SIX4: variants seen among roughly 807,000 people sequenced by gnomAD.
SIX4 encodes the protein homeobox protein SIX4.
In SIX4, 23 loss-of-function variants were observed where a neutral mutation model predicts 51.5. The ratio of observed to expected loss-of-function variants is 0.45; its 90% CI spans 0.32 to 0.63. SIX4 has a LOEUF of 0.63. Ranked by LOEUF, SIX4 falls within the 30% of genes least tolerant of loss-of-function variation. The pLI, the probability that SIX4 is intolerant of heterozygous loss-of-function variation, is 0.04. For synonymous variants in SIX4, 413 were observed against 417.3 expected (o/e 0.99, Z 0.13); for missense variants, 867 against 984.0 (o/e 0.88, Z 1.59).
chr14:60,719,635 C>T lies in SIX4; in HGVS notation c.1549+125G>A. 1 of 944,004 alleles carries T rather than the reference C, an allele frequency of 1.1e-6. No individual in the cohort carries two copies. The highest frequency in any genetic ancestry group is 1.6e-6 in the Non-Finnish European group (1 of 642,794). 58.5% of individuals were successfully genotyped at this position (944,004 alleles called of 1,614,324 possible). A position where few individuals can be genotyped will look rare whatever the true frequency, so the allele number is the denominator to read the frequency against. On this transcript the variant is annotated intron_variant, in intron 2 of 2. Coordinates refer to ENST00000216513, the MANE Select transcript of SIX4 (RefSeq NM_017420.5). This position sits in a 1 kb window ranked among gnomAD's most constrained non-coding sequence, Gnocchi z 4.9. Reference sequence around the variant, plus strand: ...GGAGAATCACATCAAGGCTACTCTACAGCTTCGGCAGCTAATAAGGTACCT... The same window carrying T: ...GGAGAATCACATCAAGGCTACTCTATAGCTTCGGCAGCTAATAAGGTACCT...
rs367915180 is a variant in SIX4, at chr14:60,719,795, A to G, written c.1514T>C (p.Leu505Pro). 226 of 1,614,110 alleles carry G rather than the reference A, an allele frequency of 1.4e-4. No homozygotes were observed. Among genetic ancestry groups the G allele is most frequent in the Middle Eastern group, 3.3e-4 (2 of 6,084 alleles). ...FLNGSIGFSP[L>P]QLPPVSVAAS... is the part of the protein sequence containing the mutation. Reference sequence around the variant, plus strand: ...TGCCACTGACACAGGGGGCAGCTGCAGTGGAGAGAATCCAATGCTCCCATT... The same window carrying G: ...TGCCACTGACACAGGGGGCAGCTGCGGTGGAGAGAATCCAATGCTCCCATT... The change falls in exon 2 of 3, where the codon CTG becomes CCG. Residue 505 changes from leucine (L) to proline (P), a missense_variant. Transcript: ENST00000216513. This position sits in a 1 kb window ranked among gnomAD's most constrained non-coding sequence, Gnocchi z 4.9.
In SIX4 at chr14:60,719,208, C is replaced by T. The variant is rs553545010; in HGVS notation, c.1549+552G>A. ...TTAGGGGGTTAGTATATATGCTGAGCGATAGAAATCCAATGGCATATTCCT... is the reference window on the plus strand; with the variant it reads ...TTAGGGGGTTAGTATATATGCTGAGTGATAGAAATCCAATGGCATATTCCT... On this transcript the variant is annotated intron_variant, in intron 2 of 2. Coordinates refer to ENST00000216513, the MANE Select transcript of SIX4 (RefSeq NM_017420.5). This position sits in a 1 kb window ranked among gnomAD's most constrained non-coding sequence, Gnocchi z 4.9. 9.2e-5 allele frequency among the ~76,000 whole-genome samples: 14 copies of T among 152,236 alleles called. No homozygotes were observed. Among genetic ancestry groups the T allele is most frequent in the Non-Finnish European group, 1.3e-4 (9 of 68,010 alleles).
chr14:60,723,551 T>C lies in SIX4; in HGVS notation c.524A>G (p.Glu175Gly), dbSNP rs1292581615. 2 of 1,609,572 alleles carry C rather than the reference T, an allele frequency of 1.2e-6. No individual in the cohort carries two copies. Among genetic ancestry groups the C allele is most frequent in the Non-Finnish European group, 1.7e-6 (2 of 1,179,536 alleles). ...LYSILESHSF[E>G]SANHPLLQQL... The stretch of plus-strand genomic sequence containing the variant: ...CTGCAGCAGCGGGTGGTTGGCCGAC[T>C]CGAAGCTGTGGCTCTCGAGGATGCT... Residue 175 changes from glutamate (E) to glycine (G), a missense_variant, in exon 1 of 3, where the codon GAG (glutamate) becomes GGG (glycine). Transcript: ENST00000216513.
chr14:60,723,999 A>T lies in SIX4; in HGVS notation c.76T>A (p.Ser26Thr), dbSNP rs1896091134. ...TCTCGGTGCGCCTCCTGCCCTTCCG[A>T]GGCGCTTTCCATCCCATTCTCTTGC... ...IKQENGMESASEGQEAHREVA... is the reference protein window; with the variant it reads ...IKQENGMESATEGQEAHREVA... Residue 26 changes from serine to threonine, a missense_variant, in exon 1 of 3, where the codon TCG becomes ACG. Physicochemically the swap from Ser to Thr is moderately conservative, Grantham distance 58. Transcript: ENST00000216513. 1 of 1,517,338 alleles carries T rather than the reference A, an allele frequency of 6.6e-7. No individual in the cohort carries two copies. Among genetic ancestry groups the T allele is most frequent in the South Asian group, 1.3e-5 (1 of 75,122 alleles). 94.0% of individuals were successfully genotyped at this position (1,517,338 alleles called of 1,614,324 possible). A position where few individuals can be genotyped will look rare whatever the true frequency, so the allele number is the denominator to read the frequency against.
chr14:60,722,996 G>T lies in SIX4; in HGVS notation c.863+216C>A. On this transcript the variant is annotated intron_variant, in intron 1 of 2. Coordinates refer to ENST00000216513, the MANE Select transcript of SIX4 (RefSeq NM_017420.5). The surrounding 1 kb of genome is among the most constrained non-coding windows in gnomAD (Gnocchi z 5.9). ...GGGCGACCAGAAACTTCTGGGGGGA[G>T]AGGGGGAGGGTAAGGAGGGAGGTTC... The T allele has an allele frequency of 1.0e-6, 1 of 974,820 alleles. No individual in the cohort carries two copies. The highest frequency in any genetic ancestry group is 1.4e-6 in the Non-Finnish European group (1 of 700,120). 60.4% of individuals were successfully genotyped at this position (974,820 alleles called of 1,614,324 possible). A position where few individuals can be genotyped will look rare whatever the true frequency, so the allele number is the denominator to read the frequency against.
rs1895837351 is a variant in SIX4 at position 60,712,262 on chromosome 14, G to A, written c.*1145C>T. 2.0e-5 allele frequency: 3 copies of A among 152,662 alleles called. No individual in the cohort carries two copies. Among genetic ancestry groups the A allele is most frequent in the Admixed American group, 2.0e-4 (3 of 15,286 alleles). 9.5% of individuals were successfully genotyped at this position (152,662 alleles called of 1,614,324 possible). ...AATAATTAGTTGTTTATCCATTTGT[G>A]TGATAAATGTCATATATATTATTTA... On this transcript the variant is annotated 3_prime_UTR_variant, in exon 3 of 3. Transcript: ENST00000216513.
intron 2 of SIX4, among the ~76,000 whole-genome samples, chr14:60,715,459 T>G (rs1895906119): frequency 6.6e-6 from 1 of 152,226 alleles, no homozygotes; most frequent in South Asian, 2.1e-4. Flanking sequence ...TTTTTGCCTT[T>G]TGTTGTGCCA....
In SIX4 at chr14:60,710,467, C is replaced by T. The variant is rs1178648806; in HGVS notation, c.*2940G>A. On this transcript the variant is annotated 3_prime_UTR_variant, in exon 3 of 3. Coordinates refer to ENST00000216513, the MANE Select transcript of SIX4 (RefSeq NM_017420.5). ...TTAACTAAGAGCTAAATGCCAAATT[C>T]TGGCTGATAGAGTGCATAGATAGGC... 1 of 152,568 alleles carries T rather than the reference C, an allele frequency of 6.6e-6. No homozygotes were observed. The highest frequency in any genetic ancestry group is 1.5e-5 in the Non-Finnish European group (1 of 68,026). 9.5% of individuals were successfully genotyped at this position (152,568 alleles called of 1,614,324 possible). A position where few individuals can be genotyped will look rare whatever the true frequency, so the allele number is the denominator to read the frequency against.
At chr14:60,718,215 T>C (rs1303695420) in intron 2 of SIX4, among the ~76,000 whole-genome samples, 1 of 152,180 alleles carries the variant, frequency 6.6e-6, no homozygotes, top group Non-Finnish European at 1.5e-5. Context: ...CTGCAATACC[T>C]AACTACCATA....
rs1895875425 is a variant in SIX4 at position 60,714,148 on chromosome 14, A to G, written c.1605T>C (p.Ser535=). The change falls in exon 3 of 3, where the codon TCT becomes TCC. Residue 535 remains serine (S), a synonymous_variant. Coordinates refer to ENST00000216513, the MANE Select transcript of SIX4 (RefSeq NM_017420.5). ...AAACCTTTCCTTGCTGGACTGTGGT[A>G]GACTCACTTGTAAATGTGCTTCCAT... ...TSDGSTFTSE[S]TTVQQGKVFL... is the part of the protein sequence containing the mutation. 2 of 1,611,546 alleles carry G rather than the reference A, an allele frequency of 1.2e-6. No individual in the cohort carries two copies. The highest frequency in any genetic ancestry group is 1.7e-6 in the Non-Finnish European group (2 of 1,179,604).
At position 60,712,034 on chromosome 14, in the gene SIX4, G is replaced by A. The variant is rs536848891; in HGVS notation, c.*1373C>T. On this transcript the variant is annotated 3_prime_UTR_variant, in exon 3 of 3. Coordinates refer to ENST00000216513, the MANE Select transcript of SIX4 (RefSeq NM_017420.5). ...ACCAAAAATATTTACTTTTAAAGAA[G>A]ACATGATAATATAGTGCAAACAACA... 1.2e-4 allele frequency: 18 copies of A among 152,636 alleles called. No homozygotes were observed. Among genetic ancestry groups the A allele is most frequent in the African/African-American group, 3.9e-4 (16 of 41,542 alleles). 9.5% of individuals were successfully genotyped at this position (152,636 alleles called of 1,614,324 possible).
Position 60,723,723 on chromosome 14 carries a change from C to G in SIX4, c.352G>C (p.Glu118Gln). 1 of 1,549,886 alleles carries G rather than the reference C, an allele frequency of 6.5e-7. No individual in the cohort carries two copies. Among genetic ancestry groups the G allele is most frequent in the Non-Finnish European group, 8.7e-7 (1 of 1,149,452 alleles). The change falls in exon 1 of 3, where the codon GAG becomes CAG. Residue 118 changes from glutamate to glutamine, a missense_variant. Coordinates refer to ENST00000216513, the MANE Select transcript of SIX4 (RefSeq NM_017420.5). Reference protein sequence around the residue: ...FSPDHVACVCEALQQGGNLDR... With the variant: ...FSPDHVACVCQALQQGGNLDR... ...AGGTTGCCCCCCTGCTGCAGTGCCT[C>G]GCACACGCAGGCGACGTGGTCGGGC...
At chr14:60,721,079 A>AT in intron 1 of SIX4, 9 of 985,664 alleles carry the variant, frequency 9.1e-6, no homozygotes, top group Non-Finnish European at 8.4e-6. Flanking sequence ...AAGAACAGTT[A>AT]TGTGCAGTCG....
In SIX4 at chr14:60,714,179, G is replaced by A. The variant is rs147871425; in HGVS notation, c.1574C>T (p.Thr525Ile). The A allele has an allele frequency of 2.0e-5, 32 of 1,597,232 alleles. No individual in the cohort carries two copies. Among genetic ancestry groups the A allele is most frequent in the Non-Finnish European group, 4.3e-6 (5 of 1,176,190 alleles). ...SQGNISVSSS[T>I]SDGSTFTSES... is the part of the protein sequence containing the mutation. ...ACTTGTAAATGTGCTTCCATCTGAAGTGCTTGAGCTTACTGAGATATTACC... is the reference window on the plus strand; with the variant it reads ...ACTTGTAAATGTGCTTCCATCTGAAATGCTTGAGCTTACTGAGATATTACC... The change falls in exon 3 of 3, where the codon ACT becomes ATT. Residue 525 changes from threonine to isoleucine, a missense_variant. Coordinates refer to ENST00000216513, the MANE Select transcript of SIX4 (RefSeq NM_017420.5).
In SIX4 at chr14:60,723,917, A is replaced by C; in HGVS notation, c.158T>G (p.Leu53Arg). The change falls in exon 1 of 3, where the codon CTG (leucine) becomes CGG (arginine). Residue 53 changes from leucine to arginine, a missense_variant. Coordinates refer to ENST00000216513, the MANE Select transcript of SIX4 (RefSeq NM_017420.5). ...AGCGGTCGCGGCGTCCCCCGGCTCCAGGGGAAAAGGGGCTGGAGCCGGGGG... is the reference window on the plus strand; with the variant it reads ...AGCGGTCGCGGCGTCCCCCGGCTCCCGGGGAAAAGGGGCTGGAGCCGGGGG... ...LSPPAPAPFP[L>R]EPGDAATAAA... is the part of the protein sequence containing the mutation. The C allele has an allele frequency of 6.6e-7, 1 of 1,512,992 alleles. No individual in the cohort carries two copies. Among genetic ancestry groups the C allele is most frequent in the South Asian group, 1.3e-5 (1 of 74,890 alleles). The allele number at this position is 1,512,992 out of a possible 1,614,324, so 93.7% of individuals were successfully genotyped here.
rs936379025 is a variant in SIX4 at position 60,722,308 on chromosome 14, C to G, written c.863+904G>C. On this transcript the variant is annotated intron_variant, in intron 1 of 2. Coordinates refer to ENST00000216513, the MANE Select transcript of SIX4 (RefSeq NM_017420.5). The surrounding 1 kb of genome is among the most constrained non-coding windows in gnomAD (Gnocchi z 5.9). ...TTTTTTACCAGAGGGGGAAAGCAGTCTGCCAGGCAAAAAGCTCAAACCCAG... is the reference window on the plus strand; with the variant it reads ...TTTTTTACCAGAGGGGGAAAGCAGTGTGCCAGGCAAAAAGCTCAAACCCAG... Among the ~76,000 whole-genome samples the G allele has an allele frequency of 2.0e-5, 3 of 152,146 alleles. No homozygotes were observed. Among genetic ancestry groups the G allele is most frequent in the African/African-American group, 7.2e-5 (3 of 41,452 alleles).
intron 2 of SIX4, among the ~76,000 whole-genome samples, chr14:60,716,279 G>A (rs1277460992): frequency 6.6e-6 from 1 of 151,776 alleles, no homozygotes; most frequent in Non-Finnish European, 1.5e-5. Context: ...TTGAGACAGA[G>A]TCTCGCTCTG....
chr14:60,723,473 G>T lies in SIX4; in HGVS notation c.602C>A (p.Pro201Gln), dbSNP rs377457547. 2.5e-6 allele frequency: 4 copies of T among 1,606,982 alleles called. No individual in the cohort carries two copies. Among genetic ancestry groups the T allele is most frequent in the South Asian group, 1.1e-5 (1 of 90,994 alleles). Residue 201 changes from proline to glutamine, a missense_variant, in exon 1 of 3, where the codon CCG (proline) becomes CAG (glutamine). Pro to Gln is a moderately conservative substitution (Grantham distance 76). Coordinates refer to ENST00000216513, the MANE Select transcript of SIX4 (RefSeq NM_017420.5). The part of the protein sequence containing the change: ...YTEAERARGR[P>Q]LGAVDKYRLR... Reference sequence around the variant, plus strand: ...CCGGTACTTGTCTACGGCTCCCAGCGGCCGGCCGCGGGCTCGCTCGGCCTC... The same window carrying T: ...CCGGTACTTGTCTACGGCTCCCAGCTGCCGGCCGCGGGCTCGCTCGGCCTC...
rs1305113811 is a variant in SIX4 at position 60,718,878 on chromosome 14, C to T, written c.1549+882G>A. ...AGACCTTTAAAGCCAACAATTACTA[C>T]TTTGGTTTTGTAAAAATCTGGATTT... On this transcript the variant is annotated intron_variant, in intron 2 of 2. Transcript: ENST00000216513. Among the ~76,000 whole-genome samples the T allele has an allele frequency of 2.6e-5, 4 of 152,152 alleles. No individual in the cohort carries two copies. The East Asian group carries it at 7.7e-4, about 29-fold the overall frequency.
Sources: allele counts gnomAD v4.1 joint callset (sites outside exome capture counted in the v4.1 genomes callset), GRCh38; gene constraint gnomAD v4.1.1; non-coding constraint Gnocchi (gnomAD v3.1); transcripts MANE v1.5; gene names NCBI Gene and HGNC (gene_info 2026-07-23, HGNC 2026-07-21).